DCLK2: variants seen among roughly 807,000 people sequenced by gnomAD.
DCLK2 encodes the protein doublecortin like kinase 2.
A neutral mutation model predicts 78.4 loss-of-function variants in DCLK2; 31 were observed. The observed-to-expected ratio is 0.40, with a 90% CI of 0.30 to 0.53. The LOEUF is 0.53. DCLK2 is among the 20% of genes least tolerant of loss of function. DCLK2 has a pLI of 0.61. For synonymous variants in DCLK2, 407 were observed against 374.9 expected (o/e 1.09, Z -0.99); for missense variants, 872 against 973.7 (o/e 0.90, Z 1.39).
rs568481038 is a variant in DCLK2, at chr4:150,171,616, A to G, written c.757-21522A>G. 4.3e-4 allele frequency among the ~76,000 whole-genome samples: 65 copies of G among 152,366 alleles called. 1 individual carries two copies. The South Asian group carries it at 0.013, about 32-fold the overall frequency. ...GCAAATGTCGGGGTTGAGGGATTGT[A>G]GTGTTAACTGGAGTGGGCCTTCTTG... On this transcript the variant is annotated intron_variant, in intron 2 of 15. Transcript: ENST00000296550.
Position 150,167,662 on chromosome 4 carries a change from C to T in DCLK2, c.757-25476C>T, listed in dbSNP as rs571031231. On this transcript the variant is annotated intron_variant, in intron 2 of 15. Transcript: ENST00000296550. ...CCCAACCTCCACCAGGAGTGTCAGGCGACCATCAAGTGATGGTCAGGCAGT... is the reference window on the plus strand; with the variant it reads ...CCCAACCTCCACCAGGAGTGTCAGGTGACCATCAAGTGATGGTCAGGCAGT... Among the ~76,000 whole-genome samples the T allele has an allele frequency of 3.9e-5, 6 of 152,204 alleles. No individual in the cohort carries two copies. The East Asian group carries it at 5.8e-4, about 15-fold the overall frequency.
intron 2 of DCLK2, among the ~76,000 whole-genome samples, chr4:150,116,987 C>T (rs912301996): frequency 6.6e-6 from 1 of 152,046 alleles, no homozygotes; most frequent in Non-Finnish European, 1.5e-5. Context: ...GTGTCTTAGG[C>T]GATGGGCAGT....
At chr4:150,124,497 A>G (rs72965543) in intron 2 of DCLK2, among the ~76,000 whole-genome samples, 12,385 of 152,248 alleles carry the variant, frequency 0.081, 504 homozygotes, top group Admixed American at 0.093. Context: ...GTATCTGTGC[A>G]TCAGTGCATA....
At chr4:150,211,389 C>G (rs1223474157) in intron 5 of DCLK2, among the ~76,000 whole-genome samples, 1 of 152,090 alleles carries the variant, frequency 6.6e-6, no homozygotes, top group Non-Finnish European at 1.5e-5. Context: ...CAGACCCCAT[C>G]TCTTCCATAA....
chr4:150,101,825 C>T (rs988974289), intron 1 of DCLK2, among the ~76,000 whole-genome samples: 7 of 151,986 alleles, frequency 4.6e-5, no homozygotes, highest in African/African-American at 1.2e-4. Context: ...TACAGAAAAG[C>T]GTATATTTAA....
chr4:150,199,012 T>TA (rs749620561), intron 4 of DCLK2: 31 of 1,589,184 alleles, frequency 2.0e-5, no homozygotes, highest in Non-Finnish European at 2.6e-5. Context: ...ACTCTGTGTA[T>TA]ACTGCATGTG....
At position 150,102,588 on chromosome 4, in the gene DCLK2, G is replaced by C; in HGVS notation, c.532G>C (p.Ala178Pro). ...NIKGGTSRAL[A>P]AASSVKSEVK... ...CAAGGGTGGGACATCCCGAGCGCTG[G>C]CTGCTGCCTCCTCTGTGAAAAGTGA... Residue 178 changes from alanine to proline, a missense_variant, in exon 2 of 16, where the codon GCT (alanine) becomes CCT (proline). Physicochemically the swap from Ala to Pro is conservative, Grantham distance 27. This residue lies in a region of DCLK2 where 567 missense variants were observed against 593.4 expected (regional missense o/e 0.96). Transcript: ENST00000296550. The C allele has an allele frequency of 6.2e-7, 1 of 1,614,176 alleles. No individual in the cohort carries two copies. Among genetic ancestry groups the C allele is most frequent in the South Asian group, 1.1e-5 (1 of 91,086 alleles).
intron 5 of DCLK2, among the ~76,000 whole-genome samples, chr4:150,212,037 A>G (rs1275045658): frequency 6.6e-6 from 1 of 152,242 alleles, no homozygotes; most frequent in Non-Finnish European, 1.5e-5. Flanking sequence ...TTTTAAGGCA[A>G]TAGTAACTTC....
intron 2 of DCLK2, among the ~76,000 whole-genome samples, chr4:150,150,732 A>G (rs1734826874): frequency 6.6e-6 from 1 of 152,204 alleles, no homozygotes; most frequent in African/African-American, 2.4e-5. Context: ...CTAATGCCCC[A>G]AAATAGAGTG....
chr4:150,169,913 A>T (rs973688798), intron 2 of DCLK2, among the ~76,000 whole-genome samples: 1 of 152,228 alleles, frequency 6.6e-6, no homozygotes, highest in Non-Finnish European at 1.5e-5. Context: ...GACTTAAAAT[A>T]CAGAACAGCC....
intron 15 of DCLK2, among the ~76,000 whole-genome samples, chr4:150,250,717 G>A: frequency 6.6e-6 from 1 of 151,690 alleles, no homozygotes; most frequent in South Asian, 2.1e-4. Context: ...CATCCTCTGG[G>A]AAGGTCCTCC....
intron 2 of DCLK2, among the ~76,000 whole-genome samples, chr4:150,116,873 T>C (rs1268503821): frequency 1.3e-5 from 2 of 152,134 alleles, no homozygotes; most frequent in Non-Finnish European, 2.9e-5. Context: ...GATGCTGTAA[T>C]GTATTGGCTA....
chr4:150,243,153 G>A (rs1445722961), intron 12 of DCLK2, among the ~76,000 whole-genome samples: 1 of 152,154 alleles, frequency 6.6e-6, no homozygotes, highest in South Asian at 2.1e-4. Flanking sequence ...AAATTGAAGA[G>A]GATGCATTTA....
chr4:150,234,074 C>G (rs984236568), intron 10 of DCLK2, among the ~76,000 whole-genome samples: 2 of 152,132 alleles, frequency 1.3e-5, no homozygotes, highest in African/African-American at 4.8e-5. Flanking sequence ...TTCCTCCATC[C>G]TCAGTTTTTA....
chr4:150,180,422 CAATTGCCTTCTCTATAACACTT>C (rs1737424859), intron 2 of DCLK2, among the ~76,000 whole-genome samples: 1 of 152,120 alleles, frequency 6.6e-6, no homozygotes, highest in Admixed American at 6.6e-5. Flanking sequence ...CTTTGGTTCT[CAATTGCCTTCTCTATAACACTT>C]ATGATTTCAT....
At chr4:150,216,109 A>C (rs1740697364) in intron 5 of DCLK2, among the ~76,000 whole-genome samples, 2 of 152,228 alleles carry the variant, frequency 1.3e-5, no homozygotes, top group South Asian at 4.1e-4. Context: ...CTATTTCAGA[A>C]CAGAGAACAG....
chr4:150,116,536 T>G (rs1732107769), intron 2 of DCLK2, among the ~76,000 whole-genome samples: 1 of 152,150 alleles, frequency 6.6e-6, no homozygotes, highest in South Asian at 2.1e-4. Flanking sequence ...CTCCTCTAGG[T>G]CTAGCTACCC....
At position 150,114,080 on chromosome 4, in the gene DCLK2, G is replaced by A. The variant is rs181983573; in HGVS notation, c.756+11268G>A. Among the ~76,000 whole-genome samples, 156 of 151,996 alleles carry A rather than the reference G, an allele frequency of 1.0e-3. 1 individual carries two copies. The highest frequency in any genetic ancestry group is 3.7e-3 in the African/African-American group (153 of 41,486). On this transcript the variant is annotated intron_variant, in intron 2 of 15. Coordinates refer to ENST00000296550, the MANE Select transcript of DCLK2 (RefSeq NM_001040260.4). ...AGGGTTCTTTTTGTAGTTAATTTTA[G>A]TTTTATTCCATTGTGGTCTGAGAAG...
Position 150,256,098 on chromosome 4 carries a change from A to G in DCLK2, c.2152A>G (p.Ile718Val). 3 of 1,611,704 alleles carry G rather than the reference A, an allele frequency of 1.9e-6. No homozygotes were observed. Among genetic ancestry groups the G allele is most frequent in the East Asian group, 2.2e-5 (1 of 44,754 alleles). ...QDSGRPGMEP[I>V]SPVPPSVEEI... ...CAGCGGCAGGCCTGGGATGGAGCCC[A>G]TCTCTCCAGTTCCTCCCTCAGTGGA... Residue 718 changes from isoleucine to valine, a missense_variant, in exon 16 of 16, where the codon ATC (isoleucine) becomes GTC (valine). Physicochemically the swap from Ile to Val is conservative, Grantham distance 29. Around this residue, in one of 3 missense-constraint regions of DCLK2, gnomAD observed 219 missense variants for 230.1 expected, o/e 0.95. Transcript: ENST00000296550.
Sources: gnomAD v4.1 joint callset for allele counts (sites outside exome capture counted in the v4.1 genomes callset) on GRCh38, gnomAD v4.1.1 for gene constraint, gnomAD v4.1.1 regional missense constraint, MANE v1.5 for transcripts, NCBI Gene and HGNC (gene_info 2026-07-23, HGNC 2026-07-21) for gene names.